KCNJ15: variants seen among roughly 807,000 people sequenced by gnomAD.
KCNJ15 encodes the protein potassium inwardly rectifying channel subfamily J member 15, also known as ATP-sensitive inward rectifier potassium channel 15.
In KCNJ15, 14 loss-of-function variants were observed where a neutral mutation model predicts 23.0. The ratio of observed to expected loss-of-function variants is 0.61; its 90% CI spans 0.40 to 0.95. KCNJ15 has a LOEUF of 0.95. KCNJ15 is among the 40% of genes least tolerant of loss of function. The pLI is 0.00. For synonymous variants in KCNJ15, 185 were observed against 183.2 expected, an observed-to-expected ratio of 1.01 and a Z score of -0.08; for missense variants, 388 against 461.8, an observed-to-expected ratio of 0.84 and a Z score of 1.46.
intron 1 of KCNJ15, among the ~76,000 whole-genome samples, chr21:38,284,589 A>G (rs574035494): frequency 6.6e-6 from 1 of 152,288 alleles, no homozygotes; most frequent in South Asian, 2.1e-4. Context: ...TACATTCCCT[A>G]TGCTGCGTTT....
intron 1 of KCNJ15, among the ~76,000 whole-genome samples, chr21:38,295,616 G>A (rs1985070654): frequency 6.6e-6 from 1 of 151,672 alleles, no homozygotes; most frequent in Non-Finnish European, 1.5e-5. Context: ...CTCATTCTTT[G>A]TGTTTTTATC....
At chr21:38,250,969 C>A (rs1979787625) in intron 1 of KCNJ15, among the ~76,000 whole-genome samples, 1 of 152,200 alleles carries the variant, frequency 6.6e-6, no homozygotes, top group Non-Finnish European at 1.5e-5. Flanking sequence ...CCACGGCACA[C>A]ATACCTCACA....
intron 1 of KCNJ15, among the ~76,000 whole-genome samples, chr21:38,232,868 A>G (rs1978363355): frequency 6.6e-6 from 1 of 152,012 alleles, no homozygotes; most frequent in South Asian, 2.1e-4. Flanking sequence ...ATGGCCTAGC[A>G]TATGGACTGT....
At chr21:38,288,295 C>T (rs972897799) in intron 1 of KCNJ15, among the ~76,000 whole-genome samples, 1 of 151,918 alleles carries the variant, frequency 6.6e-6, no homozygotes, top group Non-Finnish European at 1.5e-5. Flanking sequence ...CCTGCCTCGG[C>T]GTCCCAAAGT....
chr21:38,299,293 C>A lies in KCNJ15; in HGVS notation c.32C>A (p.Thr11Asn), dbSNP rs1023794725. 2.5e-6 allele frequency: 4 copies of A among 1,612,982 alleles called. No individual in the cohort carries two copies. The highest frequency in any genetic ancestry group is 1.1e-5 in the South Asian group (1 of 91,012). Residue 11 changes from threonine to asparagine, a missense_variant, in exon 3 of 3, where the codon ACC becomes AAC. By Grantham distance (65) the Thr-to-Asn change is moderately conservative. Transcript: ENST00000398938. The surrounding 1 kb of genome is among the most constrained non-coding windows in gnomAD (Gnocchi z 4.5). MDAIHIGMSS[T>N]PLVKHTAGAG... Reference sequence around the variant, plus strand: ...GCCATTCACATCGGCATGTCCAGCACCCCCCTGGTGAAGCACACTGCTGGG... The same window carrying A: ...GCCATTCACATCGGCATGTCCAGCAACCCCCTGGTGAAGCACACTGCTGGG...
chr21:38,241,446 C>G (rs987205222), intron 1 of KCNJ15, among the ~76,000 whole-genome samples: 4 of 152,212 alleles, frequency 2.6e-5, no homozygotes, highest in Non-Finnish European at 4.4e-5. Flanking sequence ...CACTCCCAGT[C>G]TGCCGGCGAA....
chr21:38,251,781 TTAAAAAC>T (rs1979856497), upstream of KCNJ15, among the ~76,000 whole-genome samples: 1 of 152,210 alleles, frequency 6.6e-6, no homozygotes, highest in Non-Finnish European at 1.5e-5. Flanking sequence ...ACTTTAAGTG[TTAAAAAC>T]CAGGGCAGTC....
Position 38,238,641 on chromosome 21 carries a change from T to C in KCNJ15, c.-398-18405T>C, listed in dbSNP as rs2123548717. The C allele has an allele frequency of 3.8e-5, 22 of 578,224 alleles. 1 individual carries two copies. Among genetic ancestry groups the C allele is most frequent in the South Asian group, 3.5e-4 (22 of 63,338 alleles). The allele number at this position is 578,224 out of a possible 1,614,324, so 35.8% of individuals were successfully genotyped here. A position where few individuals can be genotyped will look rare whatever the true frequency, so the allele number is the denominator to read the frequency against. On this transcript the variant is annotated intron_variant, in intron 1 of 4. Coordinates refer to the KCNJ15 transcript ENST00000547341. ...TGTGCAACCAGAGCGGGTTGTGGGC[T>C]GACACGGAATTGGCGCTGGGCTCTG...
upstream of KCNJ15, among the ~76,000 whole-genome samples, chr21:38,253,728 A>G (rs1979995431): frequency 6.6e-6 from 1 of 152,080 alleles, no homozygotes; most frequent in African/African-American, 2.4e-5. Context: ...CTTGGGAAAC[A>G]GTTCTCTTGA....
chr21:38,278,713 G>A (rs1982999636), intron 1 of KCNJ15, among the ~76,000 whole-genome samples: 5 of 152,114 alleles, frequency 3.3e-5, no homozygotes, highest in Admixed American at 2.0e-4. Flanking sequence ...GTGGGCTTTC[G>A]GGCAGATGGC....
chr21:38,274,045 G>A (rs989627363), intron 1 of KCNJ15, among the ~76,000 whole-genome samples: 8 of 152,144 alleles, frequency 5.3e-5, no homozygotes, highest in Non-Finnish European at 1.0e-4. Flanking sequence ...TTTCTAATGT[G>A]GTATTTGTAA....
chr21:38,245,035 T>G (rs1979265042), intron 1 of KCNJ15, among the ~76,000 whole-genome samples: 1 of 152,020 alleles, frequency 6.6e-6, no homozygotes, highest in Admixed American at 6.6e-5. Flanking sequence ...AGTGACTCAT[T>G]CATGATGTGC....
chr21:38,249,961 GC>G (rs1979712826), intron 1 of KCNJ15, among the ~76,000 whole-genome samples: 1 of 152,152 alleles, frequency 6.6e-6, no homozygotes. Context: ...CATTGCTAGG[GC>G]TGATAAGGAA....
chr21:38,302,223 G>A lies in KCNJ15; in HGVS notation c.*1834G>A, dbSNP rs2042539268. On this transcript the variant is annotated 3_prime_UTR_variant, in exon 3 of 3. Transcript: ENST00000398938. Reference sequence around the variant, plus strand: ...ATAAAAATATGAACATTGGGACTCAGAGAAAATGGGGAAAATAAAGTGGAT... The same window carrying A: ...ATAAAAATATGAACATTGGGACTCAAAGAAAATGGGGAAAATAAAGTGGAT... The A allele has an allele frequency of 6.6e-6, 1 of 152,252 alleles. No individual in the cohort carries two copies. The highest frequency in any genetic ancestry group is 1.9e-4 in the East Asian group (1 of 5,202). 9.4% of individuals were successfully genotyped at this position (152,252 alleles called of 1,614,324 possible). A position where few individuals can be genotyped will look rare whatever the true frequency, so the allele number is the denominator to read the frequency against.
Position 38,299,995 on chromosome 21 carries a change from G to A in KCNJ15, c.734G>A (p.Ser245Asn). Reference protein sequence around the residue: ...VKFHVDSSSESPFLILPMTFY... With the variant: ...VKFHVDSSSENPFLILPMTFY... ...TTCCACGTGGACTCCTCCTCTGAGA[G>A]CCCCTTCCTCATTCTGCCCATGACA... Residue 245 changes from serine to asparagine, a missense_variant, in exon 3 of 3, where the codon AGC (serine) becomes AAC (asparagine). Transcript: ENST00000398938. This position sits in a 1 kb window ranked among gnomAD's most constrained non-coding sequence, Gnocchi z 4.5. The A allele has an allele frequency of 6.2e-7, 1 of 1,614,018 alleles. No individual in the cohort carries two copies.
chr21:38,288,018 G>GTTTTTTCTTTTTTTT (rs1569010852), intron 1 of KCNJ15, among the ~76,000 whole-genome samples: 1 of 26,018 alleles, frequency 3.8e-5, no homozygotes, highest in African/African-American at 9.6e-5. Flanking sequence ...TAAATAACTT[G>GTTTTTTCTTTTTTTT]TTTTTTTCTT....
chr21:38,291,341 T>G (rs1258995355), intron 1 of KCNJ15, among the ~76,000 whole-genome samples: 1 of 152,216 alleles, frequency 6.6e-6, no homozygotes, highest in Non-Finnish European at 1.5e-5. Flanking sequence ...CTTCCCTTAA[T>G]GATACCCATT....
intron 1 of KCNJ15, among the ~76,000 whole-genome samples, chr21:38,240,870 A>T (rs1170037934): frequency 6.6e-6 from 1 of 152,214 alleles, no homozygotes; most frequent in African/African-American, 2.4e-5. Context: ...CTTGAAATGC[A>T]CATCTCGCAT....
intron 1 of KCNJ15, among the ~76,000 whole-genome samples, chr21:38,264,736 A>T (rs1376254068): frequency 6.6e-6 from 1 of 152,248 alleles, no homozygotes; most frequent in Non-Finnish European, 1.5e-5. Flanking sequence ...AATATTACAA[A>T]GTGATAGATT....
Sources: gnomAD v4.1 joint callset for allele counts (sites outside exome capture counted in the v4.1 genomes callset) on GRCh38, gnomAD v4.1.1 for gene constraint, Gnocchi (gnomAD v3.1) non-coding constraint, MANE v1.5 for transcripts, NCBI Gene and HGNC (gene_info 2026-07-23, HGNC 2026-07-21) for gene names.